Variants in HSD17B4 observed in about 807,000 individuals in gnomAD.
HSD17B4 encodes the protein hydroxysteroid 17-beta dehydrogenase 4, also known as peroxisomal multifunctional enzyme type 2.
A neutral mutation model predicts 101.0 loss-of-function variants in HSD17B4; 70 were observed. The observed-to-expected ratio is 0.69, with a 90% CI of 0.57 to 0.85. The LOEUF (loss-of-function observed/expected upper bound fraction) is 0.85. Among genes scored for constraint, HSD17B4 ranks in the 40% least tolerant of loss-of-function variants. HSD17B4 has a pLI of 0.00. For missense variants in HSD17B4, 984 were observed against 892.4 expected (o/e 1.10, Z -1.31); for synonymous variants, 347 against 297.1 (o/e 1.17, Z -1.73).
rs569266188 is a variant in HSD17B4, at chr5:119,477,022, A to G, written c.350-395A>G. On this transcript the variant is annotated intron_variant, in intron 6 of 23. Coordinates refer to ENST00000510025, the MANE Select transcript of HSD17B4 (RefSeq NM_000414.4). ...ATAGGGATCTAGTGAGTATTTTGTA[A>G]ATATTTCTTAATGAGCTATGTGATT... Among the ~76,000 whole-genome samples, 5 of 152,232 alleles carry G rather than the reference A, an allele frequency of 3.3e-5. 1 individual carries two copies. In the South Asian group the frequency reaches 1.0e-3, roughly 32 times the overall value.
At chr5:119,501,407 C>A (rs950633860) in intron 13 of HSD17B4, among the ~76,000 whole-genome samples, 1 of 151,144 alleles carries the variant, frequency 6.6e-6, no homozygotes, top group Non-Finnish European at 1.5e-5. Context: ...GTGTATGCTT[C>A]AAGTTTTGGT....
chr5:119,497,043 T>C (rs1306891332), intron 12 of HSD17B4, among the ~76,000 whole-genome samples: 1 of 152,176 alleles, frequency 6.6e-6, no homozygotes, highest in East Asian at 1.9e-4. Flanking sequence ...ATCAGAGCGA[T>C]TGGGTATCAG....
chr5:119,455,747 G>T (rs1412069177), intron 1 of HSD17B4, among the ~76,000 whole-genome samples: 1 of 152,014 alleles, frequency 6.6e-6, no homozygotes, highest in Non-Finnish European at 1.5e-5. Context: ...TTTTAGGCAG[G>T]TCTTCTTAGA....
At chr5:119,477,539 GT>G in intron 7 of HSD17B4, 38 bp downstream of exon 7, 2 of 1,372,320 alleles carry the variant, frequency 1.5e-6, no homozygotes, top group Non-Finnish European at 2.1e-6. Context: ...GATTTAAGAT[GT>G]TGTGTCTGGG....
At chr5:119,469,449 G>A (rs1320452893) in intron 2 of HSD17B4, among the ~76,000 whole-genome samples, 3 of 152,104 alleles carry the variant, frequency 2.0e-5, no homozygotes, top group Non-Finnish European at 2.9e-5. Context: ...CTGCCTCCTG[G>A]TTCAAGCAAT....
chr5:119,540,103 G>C (rs950311019), intron 23 of HSD17B4, among the ~76,000 whole-genome samples: 2 of 151,904 alleles, frequency 1.3e-5, no homozygotes, highest in African/African-American at 4.8e-5. Flanking sequence ...TCAGTAGTTG[G>C]TATAGCCTTT....
At chr5:119,508,898 G>A (rs1751906090) in intron 15 of HSD17B4, among the ~76,000 whole-genome samples, 1 of 152,156 alleles carries the variant, frequency 6.6e-6, no homozygotes, top group South Asian at 2.1e-4. Flanking sequence ...TGAAAGAACT[G>A]CTATTTCATA....
intron 14 of HSD17B4, among the ~76,000 whole-genome samples, chr5:119,502,529 CAA>C (rs776365625): frequency 1.1e-3 from 115 of 102,668 alleles, no homozygotes; most frequent in South Asian, 3.3e-3. Context: ...AAAATAAAAA[CAA>C]GTCTTTAATA....
In HSD17B4 at chr5:119,499,591, T is replaced by G. The variant is rs112532213; in HGVS notation, c.1209+38T>G. 56 of 1,158,252 alleles carry G rather than the reference T, an allele frequency of 4.8e-5. No individual in the cohort carries two copies. In the African/African-American group the frequency reaches 5.3e-4, roughly 11 times the overall value. The allele number at this position is 1,158,252 out of a possible 1,614,324, so 71.7% of individuals were successfully genotyped here. On this transcript the variant is annotated intron_variant, in intron 13 of 23. Coordinates refer to ENST00000510025, the MANE Select transcript of HSD17B4 (RefSeq NM_000414.4). ...AAAAACCTTTATTTTGCTTTTCTAT[T>G]TCTGTAAATATTATTCATTAATGTC...
chr5:119,477,584 G>A (rs1007321469), intron 7 of HSD17B4, 83 bp downstream of exon 7: 3 of 920,112 alleles, frequency 3.3e-6, no homozygotes, highest in African/African-American at 1.6e-5. Flanking sequence ...TATGTGAAGT[G>A]TTGTGAAATG....
chr5:119,490,606 C>G (rs538718985), intron 9 of HSD17B4, among the ~76,000 whole-genome samples: 9 of 151,736 alleles, frequency 5.9e-5, no homozygotes, highest in African/African-American at 2.2e-4. Flanking sequence ...TCTCTGTTGC[C>G]CAGGCTGAAG....
At chr5:119,464,813 C>G (rs1283543231) in intron 2 of HSD17B4, 1 of 152,120 alleles carries the variant, frequency 6.6e-6, no homozygotes, top group Non-Finnish European at 1.5e-5. Context: ...CCAGGATGGT[C>G]TCGATCTTTT....
chr5:119,496,754 C>T, intron 12 of HSD17B4, 108 bp downstream of exon 12: 3 of 781,184 alleles, frequency 3.8e-6, no homozygotes, highest in Non-Finnish European at 2.4e-6. Flanking sequence ...CTTTTGGATG[C>T]AGTTACTTTC....
chr5:119,469,082 A>G (rs1421609137), intron 2 of HSD17B4, among the ~76,000 whole-genome samples: 1 of 151,210 alleles, frequency 6.6e-6, no homozygotes, highest in African/African-American at 2.4e-5. Context: ...TTTTAATGAT[A>G]TATATATCTT....
intron 8 of HSD17B4, among the ~76,000 whole-genome samples, chr5:119,485,726 C>T (rs539271972): frequency 1.3e-4 from 20 of 151,982 alleles, no homozygotes; most frequent in African/African-American, 4.8e-4. Context: ...ACACTTGATA[C>T]GTGAAAAATA....
intron 8 of HSD17B4, among the ~76,000 whole-genome samples, chr5:119,482,599 A>G (rs558110229): frequency 6.6e-6 from 1 of 152,146 alleles, no homozygotes; most frequent in Non-Finnish European, 1.5e-5. Flanking sequence ...TTTTATGTTT[A>G]TCTCGTTAGG....
At chr5:119,524,524 T>G (rs1420486995) in intron 17 of HSD17B4, among the ~76,000 whole-genome samples, 1 of 152,156 alleles carries the variant, frequency 6.6e-6, no homozygotes, top group East Asian at 1.9e-4. Flanking sequence ...TTGGTGAATT[T>G]CTTCCTTTCA....
At chr5:119,524,323 A>C (rs979550000) in intron 17 of HSD17B4, among the ~76,000 whole-genome samples, 1 of 152,150 alleles carries the variant, frequency 6.6e-6, no homozygotes, top group Non-Finnish European at 1.5e-5. Context: ...AAAACTTGTT[A>C]AAAATAATCA....
intron 2 of HSD17B4, among the ~76,000 whole-genome samples, chr5:119,459,862 G>A (rs1028586214): frequency 1.3e-5 from 2 of 150,872 alleles, no homozygotes; most frequent in Admixed American, 6.6e-5. Flanking sequence ...CTTTTTAAAG[G>A]CCCCACATCT....
Sources: allele counts gnomAD v4.1 joint callset (sites outside exome capture counted in the v4.1 genomes callset), GRCh38; gene constraint gnomAD v4.1.1; transcripts MANE v1.5; gene names NCBI Gene and HGNC (gene_info 2026-07-23, HGNC 2026-07-21).